SUV39H2: variants seen among roughly 807,000 people sequenced by gnomAD.
The protein encoded by SUV39H2 is histone-lysine N-methyltransferase SUV39H2.
SUV39H2 carries 10 observed loss-of-function variants against 47.5 expected under a neutral mutation model. The observed-to-expected ratio is 0.21, with a 90% CI of 0.13 to 0.36. The LOEUF (loss-of-function observed/expected upper bound fraction) is 0.36, where lower values mean the gene tolerates loss of function less well. Ranked by LOEUF, SUV39H2 falls within the 10% of genes least tolerant of loss-of-function variation. The pLI, the probability that SUV39H2 is intolerant of heterozygous loss-of-function variation, is 1.00. For missense variants in SUV39H2, 266 were observed against 487.4 expected, an observed-to-expected ratio of 0.55 and a Z score of 4.28; for synonymous variants, 159 against 166.8, an observed-to-expected ratio of 0.95 and a Z score of 0.36.
In SUV39H2 at chr10:14,881,557, A is replaced by G. The variant is rs1833040107; in HGVS notation, c.89A>G (p.Glu30Gly). The change falls in exon 2 of 6, where the codon GAA becomes GGA. Residue 30 changes from glutamate (E) to glycine (G), a missense_variant. Physicochemically the swap from Glu to Gly is moderately conservative, Grantham distance 98 (BLOSUM62 -2). Coordinates refer to ENST00000354919, the MANE Select transcript of SUV39H2 (RefSeq NM_001193424.2). ...ACTCTTCAGGAATTATGTAGAAAAGAAAAGCTCACATGTAAATCGATTGGA... is the reference window on the plus strand; with the variant it reads ...ACTCTTCAGGAATTATGTAGAAAAGGAAAGCTCACATGTAAATCGATTGGA... ...LDTLQELCRK[E>G]KLTCKSIGIT... The G allele has an allele frequency of 6.2e-7, 1 of 1,606,910 alleles. No homozygotes were observed. The highest frequency in any genetic ancestry group is 2.2e-5 in the East Asian group (1 of 44,486).
intron 1 of SUV39H2, among the ~76,000 whole-genome samples, chr10:14,880,874 G>C (rs1588831154): frequency 6.6e-6 from 1 of 152,064 alleles, no homozygotes. Context: ...AATAACTGGA[G>C]TTTATTCACC....
At chr10:14,881,788 T>C (rs1243469934) in intron 2 of SUV39H2, 143 bp downstream of exon 2, 1 of 722,542 alleles carries the variant, frequency 1.4e-6, no homozygotes, top group Non-Finnish European at 2.0e-6. Context: ...TGTCCTATCA[T>C]CTGTGTTGCC....
rs574475071 is a variant in SUV39H2 at position 14,879,451 on chromosome 10, A to G, written c.31+532A>G. Among the ~76,000 whole-genome samples the G allele has an allele frequency of 3.3e-5, 5 of 152,332 alleles. No homozygotes were observed. In the East Asian group the frequency reaches 7.7e-4, roughly 23 times the overall value. On this transcript the variant is annotated intron_variant, in intron 1 of 5. Coordinates refer to ENST00000354919, the MANE Select transcript of SUV39H2 (RefSeq NM_001193424.2). ...GGGGATAAGCGAGGAATCCCCCCCA[A>G]GGCGGACACGCTAGGAGGTTGAGTG...
At chr10:14,879,494 C>T (rs556918052) in intron 1 of SUV39H2, among the ~76,000 whole-genome samples, 2 of 152,328 alleles carry the variant, frequency 1.3e-5, no homozygotes, top group South Asian at 4.1e-4. Flanking sequence ...GGAGAATCGC[C>T]CAGAAAGTGG....
At chr10:14,901,560 T>A (rs995771555) in intron 5 of SUV39H2, among the ~76,000 whole-genome samples, 19 of 151,794 alleles carry the variant, frequency 1.3e-4, no homozygotes, top group Admixed American at 3.9e-4. Context: ...TTTTTTTTTT[T>A]AAATTGTGGG....
chr10:14,884,879 A>G (rs1325556320), intron 2 of SUV39H2, among the ~76,000 whole-genome samples: 1 of 152,208 alleles, frequency 6.6e-6, no homozygotes, highest in Non-Finnish European at 1.5e-5. Context: ...TCATTATTGT[A>G]CTATTCTTAC....
At chr10:14,887,739 GTT>G (rs775736819) in intron 2 of SUV39H2, among the ~76,000 whole-genome samples, 51 of 152,204 alleles carry the variant, frequency 3.4e-4, no homozygotes, top group Non-Finnish European at 4.4e-4. Flanking sequence ...ATACTACAGA[GTT>G]TATCGTTCAG....
In SUV39H2 at chr10:14,898,202, C is replaced by CTTTTTTTTTTTTTTTTTTT. The variant is rs919860514; in HGVS notation, c.849+695_849+713dup. 18 of 56,150 alleles carry CTTTTTTTTTTTTTTTTTTT rather than the reference C, an allele frequency of 3.2e-4. 1 individual carries two copies. The highest frequency in any genetic ancestry group is 5.0e-4 in the Non-Finnish European group (14 of 28,186). 3.5% of individuals were successfully genotyped at this position (56,150 alleles called of 1,614,324 possible). On this transcript the variant is annotated intron_variant, in intron 3 of 5. Coordinates refer to ENST00000354919, the MANE Select transcript of SUV39H2 (RefSeq NM_001193424.2). ...AAAACTCAGTGAGGTAGTACTGTTT[C>CTTTTTTTTTTTTTTTTTTT]TTTTTTTTTTTTTTTTTTTTTTTTT...
At chr10:14,897,553 T>TG (rs757427268) in intron 3 of SUV39H2, 36 bp downstream of exon 3, 7 of 1,472,188 alleles carry the variant, frequency 4.8e-6, no homozygotes, top group Non-Finnish European at 9.0e-7. Flanking sequence ...ATGATGGACA[T>TG]GCAAGGTTTA....
chr10:14,881,947 G>A (rs182652621), intron 2 of SUV39H2, among the ~76,000 whole-genome samples: 2 of 152,212 alleles, frequency 1.3e-5, no homozygotes, highest in African/African-American at 4.8e-5. Flanking sequence ...CGTTTTGTTC[G>A]TGGATCGTAT....
intron 2 of SUV39H2, among the ~76,000 whole-genome samples, chr10:14,895,905 T>A (rs1176170399): frequency 6.6e-6 from 1 of 151,976 alleles, no homozygotes; most frequent in Non-Finnish European, 1.5e-5. Flanking sequence ...TCTTCAAAAT[T>A]CAGTGTGGGT....
At chr10:14,885,055 T>C (rs1833161796) in intron 2 of SUV39H2, among the ~76,000 whole-genome samples, 1 of 152,172 alleles carries the variant, frequency 6.6e-6, no homozygotes. Context: ...CTTTACTATC[T>C]CTTATCTCTC....
chr10:14,879,241 C>T (rs966426095), intron 1 of SUV39H2: 2 of 601,164 alleles, frequency 3.3e-6, no homozygotes, highest in South Asian at 7.9e-5. Context: ...GGCCGCTCCC[C>T]GGCAGTCCCC....
At chr10:14,901,980 A>C (rs1328390885) in intron 5 of SUV39H2, among the ~76,000 whole-genome samples, 1 of 152,224 alleles carries the variant, frequency 6.6e-6, no homozygotes, top group Non-Finnish European at 1.5e-5. Context: ...CTTTATTGTG[A>C]CAATATAAAT....
chr10:14,881,023 C>T (rs1030017128), intron 1 of SUV39H2, among the ~76,000 whole-genome samples: 1 of 151,724 alleles, frequency 6.6e-6, no homozygotes. Context: ...TCGTTTTGTC[C>T]AGTTAAAAAA....
intron 2 of SUV39H2, among the ~76,000 whole-genome samples, chr10:14,883,704 CAAAAAAAAAAAAA>C (rs58522342): frequency 0.051 from 2,539 of 50,104 alleles, 116 homozygotes; most frequent in African/African-American, 0.11. Context: ...GACTCAGTCT[CAAAAAAAAAAAAA>C]AAAAAAAAAA....
Position 14,902,652 on chromosome 10 carries a change from T to G in SUV39H2, c.*140T>G, listed in dbSNP as rs1834104262. The G allele has an allele frequency of 1.7e-6, 1 of 578,116 alleles. No individual in the cohort carries two copies. Among genetic ancestry groups the G allele is most frequent in the Non-Finnish European group, 3.0e-6 (1 of 336,794 alleles). 35.8% of individuals were successfully genotyped at this position (578,116 alleles called of 1,614,324 possible). ...TTCATGTTTCAAGACATTTGCCAAA[T>G]GTATTACCGATGCCTCTGAAAAGGG... On this transcript the variant is annotated 3_prime_UTR_variant, in exon 6 of 6. Coordinates refer to ENST00000354919, the MANE Select transcript of SUV39H2 (RefSeq NM_001193424.2).
chr10:14,901,396 C>T, intron 5 of SUV39H2, 134 bp downstream of exon 5: 1 of 1,193,430 alleles, frequency 8.4e-7, no homozygotes, highest in African/African-American at 1.5e-5. Context: ...GTTTGTCATC[C>T]TAAGGTACAA....
chr10:14,895,073 C>T (rs1051181985), intron 2 of SUV39H2, among the ~76,000 whole-genome samples: 2 of 151,864 alleles, frequency 1.3e-5, no homozygotes, highest in African/African-American at 4.8e-5. Context: ...TACCCTTGGG[C>T]ATGTGGCTAT....
Sources: allele counts gnomAD v4.1 joint callset (sites outside exome capture counted in the v4.1 genomes callset), GRCh38; gene constraint gnomAD v4.1.1; transcripts MANE v1.5; gene names NCBI Gene and HGNC (gene_info 2026-07-23, HGNC 2026-07-21).